SPATA13: variants seen among roughly 807,000 people sequenced by gnomAD.
SPATA13 encodes spermatogenesis associated 13, also known as spermatogenesis-associated protein 13.
A neutral mutation model predicts 104.0 loss-of-function variants in SPATA13; 50 were observed. The ratio of observed to expected loss-of-function variants is 0.48; its 90% CI spans 0.38 to 0.61. SPATA13 has a LOEUF of 0.61. Ranked by LOEUF, SPATA13 falls within the 20% of genes least tolerant of loss-of-function variation. The pLI, the probability that SPATA13 is intolerant of heterozygous loss-of-function variation, is 0.00. For synonymous variants in SPATA13, 606 were observed against 667.5 expected (o/e 0.91, Z 1.42); for missense variants, 1,524 against 1,690.6 (o/e 0.90, Z 1.73).
At chr13:24,246,327 C>T (rs933154480) in intron 2 of SPATA13, among the ~76,000 whole-genome samples, 1 of 152,090 alleles carries the variant, frequency 6.6e-6, no homozygotes, top group Non-Finnish European at 1.5e-5. Flanking sequence ...CTTTGTTTTT[C>T]ATGTGTAATA....
At chr13:24,127,282 G>T (rs1047768791) in intron 3 of SPATA13, among the ~76,000 whole-genome samples, 4 of 152,200 alleles carry the variant, frequency 2.6e-5, no homozygotes, top group African/African-American at 9.7e-5. Context: ...GTAGGGCATT[G>T]CCAGAACCTG....
rs116543355 is a variant in SPATA13 at position 24,052,039 on chromosome 13, G to A, written c.-112+34338G>A. On this transcript the variant is annotated intron_variant, in intron 3 of 14. Transcript: ENST00000424834. ...GCACTGAAGCCCTACCAGCTGGTGA[G>A]GAGTCCCTGTGTTTGGACGCAGGGT... Among the ~76,000 whole-genome samples the A allele has an allele frequency of 9.4e-3, 1,425 of 152,042 alleles. 27 individuals carry two copies. Among genetic ancestry groups the A allele is most frequent in the African/African-American group, 0.031 (1,286 of 41,442 alleles).
intron 1 of SPATA13, among the ~76,000 whole-genome samples, chr13:24,213,900 T>A (rs1871155261): frequency 6.6e-6 from 1 of 152,232 alleles, no homozygotes. Context: ...TACCTTCTGG[T>A]ATTTATTATC....
chr13:24,165,511 C>T (rs753084267), intron 1 of SPATA13, among the ~76,000 whole-genome samples: 13 of 152,156 alleles, frequency 8.5e-5, no homozygotes, highest in Middle Eastern at 3.2e-3. Context: ...AGGCAAGCTG[C>T]CTTCCTGGGT....
rs140072710 is a variant in SPATA13, at chr13:24,189,497, G to GTA, written c.-112+28578_-112+28579dup. ...TCTCTCTCTCTCTATATATATACGTGTATATATATATATAATATATTTAAT... is the reference window on the plus strand; with the variant it reads ...TCTCTCTCTCTCTATATATATACGTGTATATATATATATATAATATATTTAAT... On this transcript the variant is annotated intron_variant, in intron 1 of 12. Transcript: ENST00000382108. Among the ~76,000 whole-genome samples, 72 of 133,868 alleles carry GTA rather than the reference G, an allele frequency of 5.4e-4. 1 individual carries two copies. In the East Asian group the frequency reaches 5.5e-3, roughly 10 times the overall value. 87.8% of individuals were successfully genotyped at this position (133,868 alleles called of 152,430 possible).
Position 24,011,336 on chromosome 13 carries a change from G to T in SPATA13, c.-146-6331G>T, listed in dbSNP as rs571210390. 1.3e-5 allele frequency among the ~76,000 whole-genome samples: 2 copies of T among 152,284 alleles called. No homozygotes were observed. Among genetic ancestry groups the T allele is most frequent in the East Asian group, 3.9e-4 (2 of 5,174 alleles). ...GTGCCGGCCGGCTTGGCCATCTCAT[G>T]CTGTCTCACGTTCCGCAGCTGGTCT... On this transcript the variant is annotated intron_variant, in intron 2 of 14. Coordinates refer to the SPATA13 transcript ENST00000424834. This position sits in a 1 kb window ranked among gnomAD's most constrained non-coding sequence, Gnocchi z 4.3.
intron 1 of SPATA13, among the ~76,000 whole-genome samples, chr13:24,218,896 G>A (rs534550374): frequency 1.1e-4 from 16 of 149,618 alleles, no homozygotes; most frequent in African/African-American, 3.9e-4. Context: ...CTATATTCCT[G>A]AATTTCAAAT....
At chr13:24,020,138 A>G (rs941953000) in intron 3 of SPATA13, among the ~76,000 whole-genome samples, 1 of 152,200 alleles carries the variant, frequency 6.6e-6, no homozygotes, top group Non-Finnish European at 1.5e-5. Context: ...TGTTGGCATG[A>G]AACACACCAA....
chr13:24,053,408 A>T (rs1304169027), intron 3 of SPATA13, among the ~76,000 whole-genome samples: 1 of 152,208 alleles, frequency 6.6e-6, no homozygotes. Flanking sequence ...GCATAACAAA[A>T]TTCGGGTAGA....
chr13:24,224,684 C>T, intron 2 of SPATA13, 102 bp downstream of exon 2: 1 of 1,207,290 alleles, frequency 8.3e-7, no homozygotes, highest in Non-Finnish European at 1.2e-6. Flanking sequence ...GTCAGTGGCC[C>T]TCTGCTGACC....
Position 24,224,104 on chromosome 13 carries a change from G to A in SPATA13, c.1175G>A (p.Gly392Asp). 6.4e-7 allele frequency: 1 copy of A among 1,551,530 alleles called. No homozygotes were observed. Among genetic ancestry groups the A allele is most frequent in the Non-Finnish European group, 8.7e-7 (1 of 1,146,976 alleles). The change falls in exon 2 of 13, where the codon GGT becomes GAT. Residue 392 changes from glycine (G) to aspartate (D), a missense_variant. By Grantham distance (94) the Gly-to-Asp change is moderately conservative (BLOSUM62 -1). This residue lies in a region of SPATA13 where 1,089 missense variants were observed against 1,135.9 expected (regional missense o/e 0.96). Transcript: ENST00000382108. ...ACTGCAACCTGCACCGTGGCCCCCG[G>A]TTTCGGCTCAGCCACCTCTAAGGGG... ...GTTATCTVAPGFGSATSKGPH... is the reference protein window; with the variant it reads ...GTTATCTVAPDFGSATSKGPH...
chr13:24,172,909 C>G (rs1883037602), intron 1 of SPATA13, among the ~76,000 whole-genome samples: 1 of 152,142 alleles, frequency 6.6e-6, no homozygotes, highest in South Asian at 2.1e-4. Flanking sequence ...GACATCTTTA[C>G]TATGTTAAGT....
chr13:24,069,222 A>G (rs761121783), intron 3 of SPATA13, among the ~76,000 whole-genome samples: 1 of 152,132 alleles, frequency 6.6e-6, no homozygotes, highest in Non-Finnish European at 1.5e-5. Flanking sequence ...CAGTATGGCC[A>G]TTTTTACAAT....
intron 11 of SPATA13, among the ~76,000 whole-genome samples, chr13:24,298,004 A>G (rs181164303): frequency 4.6e-4 from 70 of 152,320 alleles, no homozygotes; most frequent in Non-Finnish European, 5.6e-4. Context: ...GTCTCATTGA[A>G]TCCCTATGAA....
At chr13:24,299,040 C>T (rs1876993781) in intron 11 of SPATA13, among the ~76,000 whole-genome samples, 1 of 152,120 alleles carries the variant, frequency 6.6e-6, no homozygotes, top group Admixed American at 6.5e-5. Context: ...TCTGGGGCCC[C>T]ATTGGAATAG....
chr13:24,227,800 C>T (rs1057481309), intron 2 of SPATA13, among the ~76,000 whole-genome samples: 2 of 152,014 alleles, frequency 1.3e-5, no homozygotes, highest in Non-Finnish European at 2.9e-5. Context: ...AAACTCCTGG[C>T]CTCAAGTGAT....
intron 4 of SPATA13, chr13:24,271,023 T>TCTCTCTCTCTCTCTCTCA (rs1468713611): frequency 1.6e-4 from 59 of 373,638 alleles, no homozygotes; most frequent in Non-Finnish European, 2.3e-4. Context: ...TCTCTCTCAC[T>TCTCTCTCTCTCTCTCTCA]CTCTCTCTCT....
chr13:24,122,681 G>A (rs4770594), intron 3 of SPATA13: 87,824 of 1,023,708 alleles, frequency 0.086, 5,878 homozygotes, highest in East Asian at 0.31. Context: ...ACAGAAGTGT[G>A]TCTGTATCAA....
At chr13:24,251,187 G>A (rs1357658019) in intron 3 of SPATA13, among the ~76,000 whole-genome samples, 1 of 152,190 alleles carries the variant, frequency 6.6e-6, no homozygotes, top group Non-Finnish European at 1.5e-5. Context: ...GTGAGTTTGG[G>A]TAAGCAAGGC....
Sources: gnomAD v4.1 joint callset for allele counts (sites outside exome capture counted in the v4.1 genomes callset) on GRCh38, gnomAD v4.1.1 for gene constraint, gnomAD v4.1.1 regional missense constraint, Gnocchi (gnomAD v3.1) non-coding constraint, MANE v1.5 for transcripts, NCBI Gene and HGNC (gene_info 2026-07-23, HGNC 2026-07-21) for gene names.